AXDND1: variants seen among roughly 807,000 people sequenced by gnomAD.
AXDND1 encodes the protein axonemal dynein light chain domain-containing protein 1.
Under a neutral mutation model 137.5 loss-of-function variants are expected in AXDND1, and 110 were observed. The ratio of observed to expected loss-of-function variants is 0.80; its 90% CI spans 0.69 to 0.94. The LOEUF (loss-of-function observed/expected upper bound fraction) is 0.94, where lower values mean the gene tolerates loss of function less well. Ranked by LOEUF, AXDND1 falls within the 40% of genes least tolerant of loss-of-function variation. AXDND1 has a pLI of 0.00. For missense variants in AXDND1, 1,191 were observed against 1,169.8 expected, an observed-to-expected ratio of 1.02 and a Z score of -0.26; for synonymous variants, 414 against 399.7, an observed-to-expected ratio of 1.04 and a Z score of -0.43.
At chr1:179,436,510 A>G (rs1002713746) in intron 15 of AXDND1, among the ~76,000 whole-genome samples, 2 of 152,182 alleles carry the variant, frequency 1.3e-5, no homozygotes, top group African/African-American at 2.4e-5. Flanking sequence ...CCATGCAGCC[A>G]TAGAAAGGAA....
intron 16 of AXDND1, chr1:179,456,552 C>T (rs1478297126): frequency 5.1e-6 from 4 of 778,802 alleles, no homozygotes; most frequent in Non-Finnish European, 9.4e-6. Context: ...GCCTCTGCTT[C>T]CTCCGGAGTA....
chr1:179,447,734 C>G (rs970225918), intron 16 of AXDND1: 2 of 1,346,216 alleles, frequency 1.5e-6, no homozygotes, highest in Admixed American at 1.7e-5. Flanking sequence ...CTATTTGCAC[C>G]AGTAGCTCCA....
intron 25 of AXDND1, chr1:179,545,641 T>C (rs1558328872): frequency 6.6e-6 from 1 of 152,196 alleles, no homozygotes; most frequent in African/African-American, 2.4e-5. Context: ...GGGGACTTTT[T>C]GTGGGGTTGC....
intron 21 of AXDND1, among the ~76,000 whole-genome samples, chr1:179,519,090 G>C (rs989497039): frequency 1.3e-5 from 2 of 152,138 alleles, no homozygotes; most frequent in African/African-American, 4.8e-5. Context: ...ATTCTGACTG[G>C]TGTTAGATGG....
At chr1:179,490,990 A>G (rs6425567) in intron 18 of AXDND1, among the ~76,000 whole-genome samples, 69,357 of 151,966 alleles carry the variant, frequency 0.46, 16,707 homozygotes, top group East Asian at 0.76. Flanking sequence ...CAATTTGAGA[A>G]TTGTAGGTTC....
At chr1:179,444,671 G>A (rs112583111) in intron 15 of AXDND1, among the ~76,000 whole-genome samples, 3,540 of 148,294 alleles carry the variant, frequency 0.024, 136 homozygotes, top group African/African-American at 0.082. Context: ...AACATGCTTA[G>A]CTTTGTAGGA....
At chr1:179,383,762 A>G (rs998151154) in intron 8 of AXDND1, among the ~76,000 whole-genome samples, 1 of 152,362 alleles carries the variant, frequency 6.6e-6, no homozygotes, top group East Asian at 1.9e-4. Flanking sequence ...ATAAATGTAA[A>G]GTGCTTAGAA....
intron 25 of AXDND1, among the ~76,000 whole-genome samples, chr1:179,549,455 A>G (rs1280245557): frequency 6.6e-6 from 1 of 152,226 alleles, no homozygotes; most frequent in Non-Finnish European, 1.5e-5. Context: ...GCCAGACATC[A>G]GAGGAAACCA....
chr1:179,542,519 C>T (rs4652412), intron 25 of AXDND1, among the ~76,000 whole-genome samples: 52,700 of 152,072 alleles, frequency 0.35, 9,359 homozygotes, highest in Middle Eastern at 0.44. Context: ...GGTTTGAATG[C>T]ATGTGAGAGA....
At chr1:179,533,145 G>A (rs1572191623) in intron 23 of AXDND1, 1 of 151,908 alleles carries the variant, frequency 6.6e-6, no homozygotes, top group East Asian at 1.9e-4. Context: ...GAGAGACATG[G>A]ATAAATGAGA....
At chr1:179,409,438 GC>G (rs1429460704) in intron 11 of AXDND1, among the ~76,000 whole-genome samples, 2 of 152,024 alleles carry the variant, frequency 1.3e-5, no homozygotes, top group African/African-American at 4.8e-5. Flanking sequence ...TAATTTGGAT[GC>G]CCTTTATTTC....
At chr1:179,380,714 A>C (rs1018468090) in intron 6 of AXDND1, among the ~76,000 whole-genome samples, 5 of 152,172 alleles carry the variant, frequency 3.3e-5, no homozygotes, top group African/African-American at 1.2e-4. Context: ...AATATATTGC[A>C]TTTCATTGTG....
At chr1:179,485,501 C>G (rs868349380) in intron 18 of AXDND1, among the ~76,000 whole-genome samples, 2 of 152,104 alleles carry the variant, frequency 1.3e-5, no homozygotes, top group South Asian at 4.1e-4. Context: ...ATCAAACCTC[C>G]AAGGATGTCA....
chr1:179,517,510 C>A (rs1047845284), intron 21 of AXDND1, among the ~76,000 whole-genome samples: 1 of 152,242 alleles, frequency 6.6e-6, no homozygotes, highest in African/African-American at 2.4e-5. Context: ...CAGCTGGAGA[C>A]TTCCTTCTCC....
At chr1:179,412,629 A>G (rs1654067901) in intron 12 of AXDND1, among the ~76,000 whole-genome samples, 2 of 152,162 alleles carry the variant, frequency 1.3e-5, no homozygotes, top group Admixed American at 1.3e-4. Flanking sequence ...TTAGAAATCT[A>G]GATCATTACT....
At chr1:179,385,212 T>C (rs762209849) in intron 8 of AXDND1, 26 bp from the exon 9 acceptor site, 1 of 1,595,092 alleles carries the variant, frequency 6.3e-7, no homozygotes, top group Non-Finnish European at 8.6e-7. Context: ...TAATAAGTAC[T>C]GATTATGTTA....
intron 16 of AXDND1, among the ~76,000 whole-genome samples, chr1:179,464,124 G>A (rs890099247): frequency 5.9e-5 from 9 of 152,082 alleles, no homozygotes; most frequent in African/African-American, 2.2e-4. Context: ...TACATTTAAG[G>A]TTAATATTAT....
chr1:179,436,974 G>T (rs1361467926), intron 15 of AXDND1, among the ~76,000 whole-genome samples: 2 of 149,802 alleles, frequency 1.3e-5, no homozygotes, highest in Non-Finnish European at 3.0e-5. Context: ...TTGCTTTCAT[G>T]TGTAGCTTAA....
chr1:179,379,558 C>T, intron 6 of AXDND1, 76 bp downstream of exon 6: 2 of 1,548,250 alleles, frequency 1.3e-6, no homozygotes, highest in South Asian at 2.4e-5. Flanking sequence ...CTTTGCGAGG[C>T]CAAGGCGGGT....
Sources: gnomAD v4.1 joint callset for allele counts (sites outside exome capture counted in the v4.1 genomes callset) on GRCh38, gnomAD v4.1.1 for gene constraint, MANE v1.5 for transcripts, NCBI Gene and HGNC (gene_info 2026-07-23, HGNC 2026-07-21) for gene names.